PDE10A: variants seen among roughly 807,000 people sequenced by gnomAD.
The protein encoded by PDE10A is cAMP and cAMP-inhibited cGMP 3',5'-cyclic phosphodiesterase 10A.
PDE10A carries 39 observed loss-of-function variants against 97.7 expected under a neutral mutation model. That is an observed-to-expected ratio of 0.40 (90% CI 0.31 to 0.52). The LOEUF (loss-of-function observed/expected upper bound fraction) is 0.52. Ranked by LOEUF, PDE10A falls within the 20% of genes least tolerant of loss-of-function variation. The pLI is 0.56. For missense variants in PDE10A, 731 were observed against 1,047.8 expected, an observed-to-expected ratio of 0.70 and a Z score of 4.17; for synonymous variants, 371 against 376.8, an observed-to-expected ratio of 0.98 and a Z score of 0.18.
intron 1 of PDE10A, among the ~76,000 whole-genome samples, chr6:165,813,678 T>C (rs770315751): frequency 2.6e-5 from 4 of 152,172 alleles, no homozygotes; most frequent in Non-Finnish European, 4.4e-5. Context: ...TAAACTCCAT[T>C]AAATGTAATT....
intron 2 of PDE10A, among the ~76,000 whole-genome samples, chr6:165,523,984 G>A (rs528753502): frequency 2.0e-5 from 3 of 152,210 alleles, no homozygotes; most frequent in Non-Finnish European, 4.4e-5. Context: ...AGCTTCCAGC[G>A]AATATAAAGC....
At chr6:165,430,402 A>G (rs1222760537) in intron 8 of PDE10A, 57 bp from the exon 9 acceptor site, 1 of 1,097,294 alleles carries the variant, frequency 9.1e-7, no homozygotes, top group African/African-American at 1.6e-5. Context: ...TTCAAAATAA[A>G]ACTTCCAGAA....
intron 1 of PDE10A, among the ~76,000 whole-genome samples, chr6:165,930,820 G>T (rs777282960): frequency 1.3e-5 from 2 of 152,252 alleles, no homozygotes; most frequent in Non-Finnish European, 2.9e-5. Flanking sequence ...TGCGGGGAAG[G>T]CTCCCGGCTC....
At chr6:165,628,685 T>C (rs1788496808) in intron 1 of PDE10A, among the ~76,000 whole-genome samples, 1 of 152,210 alleles carries the variant, frequency 6.6e-6, no homozygotes, top group African/African-American at 2.4e-5. Context: ...TATTAACTTG[T>C]TCTGATTTGG....
intron 1 of PDE10A, among the ~76,000 whole-genome samples, chr6:165,953,056 G>A (rs1270317215): frequency 6.6e-6 from 1 of 152,138 alleles, no homozygotes; most frequent in East Asian, 1.9e-4. Flanking sequence ...TTGCTGCTGA[G>A]CTCCCTTTTT....
intron 3 of PDE10A, among the ~76,000 whole-genome samples, chr6:165,478,135 C>T (rs752643337): frequency 2.6e-5 from 4 of 152,160 alleles, no homozygotes; most frequent in African/African-American, 7.2e-5. Flanking sequence ...TCTCCAATTC[C>T]GTATCTGATT....
chr6:165,460,437 T>C (rs566105511), intron 3 of PDE10A, among the ~76,000 whole-genome samples: 1 of 152,218 alleles, frequency 6.6e-6, no homozygotes, highest in Admixed American at 6.5e-5. Flanking sequence ...ACAGGAGGAT[T>C]TGGAAGCACA....
intron 1 of PDE10A, among the ~76,000 whole-genome samples, chr6:165,958,670 G>T (rs1292748734): frequency 6.8e-6 from 1 of 146,906 alleles, no homozygotes; most frequent in African/African-American, 2.6e-5. Context: ...GAAAGGAAGG[G>T]AAAGAAGGAA....
chr6:165,352,424 C>G (rs1782749629), intron 18 of PDE10A, among the ~76,000 whole-genome samples: 1 of 151,980 alleles, frequency 6.6e-6, no homozygotes, highest in African/African-American at 2.4e-5. Context: ...CCATCAACTA[C>G]CCAAGATAGT....
chr6:165,353,931 T>A (rs1562375744), intron 18 of PDE10A, among the ~76,000 whole-genome samples: 1 of 152,196 alleles, frequency 6.6e-6, no homozygotes, highest in Non-Finnish European at 1.5e-5. Context: ...ACTATTCTGG[T>A]GCAGGATACC....
chr6:165,951,104 T>C (rs1201532768), intron 1 of PDE10A, among the ~76,000 whole-genome samples: 2 of 152,204 alleles, frequency 1.3e-5, no homozygotes, highest in Non-Finnish European at 2.9e-5. Flanking sequence ...TTTCTCAAGG[T>C]TGAAATAAGC....
At chr6:165,464,419 T>C (rs1479824910) in intron 3 of PDE10A, among the ~76,000 whole-genome samples, 2 of 152,182 alleles carry the variant, frequency 1.3e-5, no homozygotes, top group Non-Finnish European at 2.9e-5. Context: ...ATCCTTAACA[T>C]ACTTATATAT....
chr6:165,503,930 A>G (rs2095500586), intron 2 of PDE10A, among the ~76,000 whole-genome samples: 1 of 152,248 alleles, frequency 6.6e-6, no homozygotes, highest in Non-Finnish European at 1.5e-5. Flanking sequence ...TATTTTGCAT[A>G]TCCAAGTCAA....
At chr6:165,405,767 G>A (rs1401380670) in intron 13 of PDE10A, among the ~76,000 whole-genome samples, 3 of 152,130 alleles carry the variant, frequency 2.0e-5, no homozygotes, top group Non-Finnish European at 4.4e-5. Flanking sequence ...CAAAAAGTAG[G>A]GAAAGAATGA....
At chr6:165,347,932 T>G (rs1186284678) in intron 18 of PDE10A, among the ~76,000 whole-genome samples, 1 of 152,220 alleles carries the variant, frequency 6.6e-6, no homozygotes, top group Non-Finnish European at 1.5e-5. Flanking sequence ...AATATAGAAC[T>G]TTTCAAGTTC....
At chr6:165,619,003 T>C (rs1053767582) in intron 1 of PDE10A, among the ~76,000 whole-genome samples, 5 of 152,198 alleles carry the variant, frequency 3.3e-5, no homozygotes, top group African/African-American at 1.2e-4. Flanking sequence ...TCTAGTGTAG[T>C]GTAGTCTAGT....
chr6:165,392,664 C>T lies in PDE10A; in HGVS notation c.2436G>A (p.Thr812=), dbSNP rs148453784. Residue 812 remains threonine, a synonymous_variant, in exon 16 of 22, where the codon ACG becomes ACA. Coordinates refer to ENST00000539869, the MANE Select transcript of PDE10A (RefSeq NM_001385079.1). ...CMYAILQNNH[T]LFTDLERKGL... is the part of the protein sequence containing the mutation. The stretch of plus-strand genomic sequence containing the variant: ...CACCCACCTCAAGGTCTGTGAAAAG[C>T]GTGTGATTGTTCTGAAGTATGGCAT... 1.5e-5 allele frequency: 24 copies of T among 1,613,720 alleles called. No individual in the cohort carries two copies. The African/African-American group carries it at 1.7e-4, about 12-fold the overall frequency.
chr6:165,472,120 G>A (rs1386652321), intron 3 of PDE10A, among the ~76,000 whole-genome samples: 1 of 151,936 alleles, frequency 6.6e-6, no homozygotes, highest in African/African-American at 2.4e-5. Flanking sequence ...AAGCTTTTGG[G>A]CCTCAGGTCA....
chr6:165,586,994 G>A (rs1459391135), intron 1 of PDE10A, among the ~76,000 whole-genome samples: 1 of 152,174 alleles, frequency 6.6e-6, no homozygotes, highest in Non-Finnish European at 1.5e-5. Flanking sequence ...TTTGGAACCA[G>A]CACCTAGCAA....
Sources: gnomAD v4.1 joint callset for allele counts (sites outside exome capture counted in the v4.1 genomes callset) on GRCh38, gnomAD v4.1.1 for gene constraint, MANE v1.5 for transcripts, NCBI Gene and HGNC (gene_info 2026-07-23, HGNC 2026-07-21) for gene names.